Variants in SAMD5 observed in about 807,000 individuals in gnomAD.
SAMD5 encodes sterile alpha motif domain containing 5, also known as sterile alpha motif domain-containing protein 5.
SAMD5 carries 13 observed loss-of-function variants against 11.3 expected under a neutral mutation model. The ratio of observed to expected loss-of-function variants is 1.15; its 90% CI spans 0.75 to 1.83. The LOEUF is 1.83. Ranked by LOEUF, SAMD5 falls within the 40% of genes most tolerant of loss-of-function variation. The pLI, the probability that SAMD5 is intolerant of heterozygous loss-of-function variation, is 0.00. For missense variants in SAMD5, 255 were observed against 239.1 expected, an observed-to-expected ratio of 1.07 and a Z score of -0.44; for synonymous variants, 129 against 111.3, an observed-to-expected ratio of 1.16 and a Z score of -1.00.
At chr6:147,700,113 G>T (rs149899634) in intron 1 of SAMD5, among the ~76,000 whole-genome samples, 4 of 151,968 alleles carry the variant, frequency 2.6e-5, no homozygotes, top group African/African-American at 7.3e-5. Context: ...GCTTCCTTTC[G>T]ATTAAAAAAG....
chr6:147,508,949 C>G lies in SAMD5; in HGVS notation c.21C>G (p.Tyr7Ter), dbSNP rs1283676803. Reference sequence around the variant, plus strand: ...CCACCATGTGCACCAACATAGTTTACGAGTGGCTCAAAGCGCTGCAGCTTC... The same window carrying G: ...CCACCATGTGCACCAACATAGTTTAGGAGTGGCTCAAAGCGCTGCAGCTTC... Reference protein sequence around the residue: MCTNIVYEWLKALQLPQ... With the variant: MCTNIV Residue 7 changes from tyrosine to a stop codon, truncating the protein, a stop_gained, in exon 1 of 2, where the codon TAC (tyrosine) becomes TAG (stop). Transcript: ENST00000367474. LOFTEE classifies it high-confidence loss of function. 1 of 1,598,736 alleles carries G rather than the reference C, an allele frequency of 6.3e-7. No homozygotes were observed. Among genetic ancestry groups the G allele is most frequent in the African/African-American group, 1.4e-5 (1 of 73,956 alleles).
At chr6:147,663,656 G>T (rs1294647297) in intron 1 of SAMD5, among the ~76,000 whole-genome samples, 1 of 151,598 alleles carries the variant, frequency 6.6e-6, no homozygotes, top group Non-Finnish European at 1.5e-5. Flanking sequence ...GCCAGGTGTG[G>T]TGGTGCACGC....
the SAMD5 span, among the ~76,000 whole-genome samples, chr6:147,870,493 T>G: frequency 3.6e-4 from 54 of 150,758 alleles, no homozygotes; most frequent in African/African-American, 1.2e-3. Context: ...TATATATATA[T>G]GTATATATTG....
intron 1 of SAMD5, among the ~76,000 whole-genome samples, chr6:147,736,332 G>A (rs1488424528): frequency 6.6e-6 from 1 of 152,138 alleles, no homozygotes; most frequent in Non-Finnish European, 1.5e-5. Flanking sequence ...AAGTTCTCAA[G>A]AAATCATAGC....
the SAMD5 span, among the ~76,000 whole-genome samples, chr6:147,806,981 CTGCAGGGGAG>C: frequency 7.0e-6 from 1 of 143,768 alleles, no homozygotes; most frequent in African/African-American, 2.7e-5. Flanking sequence ...AGTAAAAGAT[CTGCAGGGGAG>C]TAAAAGAGTC....
chr6:147,576,609 A>T (rs1254033282), intron 1 of SAMD5, among the ~76,000 whole-genome samples: 1 of 152,188 alleles, frequency 6.6e-6, no homozygotes, highest in African/African-American at 2.4e-5. Flanking sequence ...AAGTGCTTTC[A>T]CTAGTCAAGG....
chr6:147,626,348 C>G (rs927466475), intron 1 of SAMD5, among the ~76,000 whole-genome samples: 1 of 151,598 alleles, frequency 6.6e-6, no homozygotes, highest in Non-Finnish European at 1.5e-5. Flanking sequence ...GCTAGAGGCA[C>G]CGTTAAACCT....
chr6:147,528,115 C>G (rs775311282), intron 1 of SAMD5, among the ~76,000 whole-genome samples: 2 of 152,174 alleles, frequency 1.3e-5, no homozygotes, highest in Admixed American at 6.5e-5. Context: ...CACCGGGCTC[C>G]ACCTCCAACA....
At chr6:147,891,133 TA>T in the SAMD5 span, among the ~76,000 whole-genome samples, 2 of 152,156 alleles carry the variant, frequency 1.3e-5, no homozygotes, top group Non-Finnish European at 2.9e-5. Context: ...GTAAAAGCAT[TA>T]AAAAATATTG....
rs752813927 is a variant in SAMD5, at chr6:147,564,460, T to C, written c.*4T>C. 5.1e-6 allele frequency: 4 copies of C among 784,526 alleles called. No individual in the cohort carries two copies. The highest frequency in any genetic ancestry group is 2.2e-4 in the Middle Eastern group (1 of 4,452). The allele number at this position is 784,526 out of a possible 1,614,324, so 48.6% of individuals were successfully genotyped here. On this transcript the variant is annotated 3_prime_UTR_variant, in exon 2 of 2. Transcript: ENST00000367474. ...GAAGTCATCACAGAGCCGCTAGATA[T>C]CATTTTTGAGACCTCGTGGAGGACT...
the SAMD5 span, among the ~76,000 whole-genome samples, chr6:147,747,975 G>T: frequency 6.6e-6 from 1 of 152,072 alleles, no homozygotes; most frequent in African/African-American, 2.4e-5. Flanking sequence ...CATGTTGGTG[G>T]GAACAATTCT....
intron 1 of SAMD5, among the ~76,000 whole-genome samples, chr6:147,643,313 T>C (rs1405862356): frequency 6.6e-6 from 1 of 152,236 alleles, no homozygotes; most frequent in Non-Finnish European, 1.5e-5. Flanking sequence ...TTTGCTTAGA[T>C]GTGCCTTCCA....
chr6:147,819,555 A>T, the SAMD5 span, among the ~76,000 whole-genome samples: 45 of 152,226 alleles, frequency 3.0e-4, no homozygotes, highest in Non-Finnish European at 5.6e-4. Context: ...GTAGAAATAG[A>T]GTAAAAAAGA....
chr6:147,805,405 G>C, the SAMD5 span, among the ~76,000 whole-genome samples: 5 of 151,746 alleles, frequency 3.3e-5, no homozygotes, highest in Non-Finnish European at 7.4e-5. Context: ...ACTCAGTTCT[G>C]TTTATTATGT....
chr6:147,873,623 T>C, the SAMD5 span, among the ~76,000 whole-genome samples: 1 of 152,184 alleles, frequency 6.6e-6, no homozygotes, highest in Non-Finnish European at 1.5e-5. Context: ...TGGTACTTAC[T>C]AGTTATTATA....
chr6:147,919,177 G>GA, the SAMD5 span, among the ~76,000 whole-genome samples: 1 of 152,088 alleles, frequency 6.6e-6, no homozygotes, highest in Non-Finnish European at 1.5e-5. Flanking sequence ...GGAGATGGTT[G>GA]AAAAAAGGCA....
chr6:147,626,459 G>T, intron 1 of SAMD5, among the ~76,000 whole-genome samples: 1 of 149,204 alleles, frequency 6.7e-6, no homozygotes, highest in Non-Finnish European at 1.5e-5. Context: ...GTAAATAATT[G>T]CCCCCATCCC....
At chr6:147,899,364 A>C in the SAMD5 span, among the ~76,000 whole-genome samples, 1 of 152,096 alleles carries the variant, frequency 6.6e-6, no homozygotes, top group South Asian at 2.1e-4. Context: ...GATAATTGTC[A>C]AGGTCTCAAA....
At chr6:147,772,638 C>A in the SAMD5 span, among the ~76,000 whole-genome samples, 1 of 152,098 alleles carries the variant, frequency 6.6e-6, no homozygotes, top group Non-Finnish European at 1.5e-5. Context: ...TTACAGAGAG[C>A]CACCTTCTCT....
Sources: allele counts gnomAD v4.1 joint callset (sites outside exome capture counted in the v4.1 genomes callset), GRCh38; gene constraint gnomAD v4.1.1; transcripts MANE v1.5; gene names NCBI Gene and HGNC (gene_info 2026-07-23, HGNC 2026-07-21).